Variants in CERS6 observed in about 807,000 individuals in gnomAD.
CERS6 encodes LAG1 homolog, ceramide synthase 6.
CERS6 carries 26 observed loss-of-function variants against 56.8 expected under a neutral mutation model. The ratio of observed to expected loss-of-function variants is 0.46; its 90% CI spans 0.34 to 0.63. CERS6 has a LOEUF of 0.63. Among genes scored for constraint, CERS6 ranks in the 30% least tolerant of loss-of-function variants. The probability of loss-of-function intolerance (pLI) is 0.01; values close to 1 mark genes in which losing one functional copy is unlikely to be tolerated. For synonymous variants in CERS6, 164 were observed against 173.3 expected, an observed-to-expected ratio of 0.95 and a Z score of 0.42; for missense variants, 415 against 467.5, an observed-to-expected ratio of 0.89 and a Z score of 1.04.
At chr2:168,481,662 A>G (rs1014745205) in intron 1 of CERS6, among the ~76,000 whole-genome samples, 4 of 152,182 alleles carry the variant, frequency 2.6e-5, no homozygotes, top group Admixed American at 6.5e-5. Context: ...TCAATGCCCA[A>G]TGTTTCTTTT....
chr2:168,662,110 AC>A (rs1335798647), intron 4 of CERS6, among the ~76,000 whole-genome samples: 3 of 147,296 alleles, frequency 2.0e-5, no homozygotes, highest in African/African-American at 7.5e-5. Context: ...GGCCTGGTAT[AC>A]CATTCAAGGC....
At chr2:168,726,036 A>T (rs1683341365) in intron 8 of CERS6, among the ~76,000 whole-genome samples, 1 of 152,218 alleles carries the variant, frequency 6.6e-6, no homozygotes, top group Non-Finnish European at 1.5e-5. Context: ...TGGTTTTAAT[A>T]TGGCATAGAT....
At chr2:168,737,686 A>G (rs1459486478) in intron 8 of CERS6, among the ~76,000 whole-genome samples, 1 of 152,212 alleles carries the variant, frequency 6.6e-6, no homozygotes, top group East Asian at 1.9e-4. Context: ...TATAATGTGC[A>G]TCTTCTTTTC....
At position 168,619,034 on chromosome 2, in the gene CERS6, G is replaced by A. The variant is rs190651687; in HGVS notation, c.408-11951G>A. ...AATAGATACATAGACCAATGGAACAGAACAGAGAACCAGAAATAAAGCCAA... is the reference window on the plus strand; with the variant it reads ...AATAGATACATAGACCAATGGAACAAAACAGAGAACCAGAAATAAAGCCAA... On this transcript the variant is annotated intron_variant, in intron 3 of 9. Transcript: ENST00000305747. 3.4e-4 allele frequency among the ~76,000 whole-genome samples: 52 copies of A among 152,282 alleles called. No individual in the cohort carries two copies. The East Asian group carries it at 6.9e-3, about 20-fold the overall frequency.
rs1442603858 is a variant in CERS6, at chr2:168,630,973, A to T, written c.408-12A>T. On this transcript the variant is annotated splice_polypyrimidine_tract_variant and intron_variant, in intron 3 of 9. Coordinates refer to ENST00000305747, the MANE Select transcript of CERS6 (RefSeq NM_203463.3). ...AACTGAATGTCACAGATTTTTTTTT[A>T]ACCTTCTACAGGTGGAGATTTTCAT... 7.1e-7 allele frequency: 1 copy of T among 1,405,836 alleles called. No homozygotes were observed. The highest frequency in any genetic ancestry group is 2.0e-5 in the Admixed American group (1 of 49,916). The allele number at this position is 1,405,836 out of a possible 1,614,324, so 87.1% of individuals were successfully genotyped here.
chr2:168,713,937 G>A (rs759594688), intron 6 of CERS6, among the ~76,000 whole-genome samples: 1 of 151,968 alleles, frequency 6.6e-6, no homozygotes, highest in South Asian at 2.1e-4. Flanking sequence ...AATCACCCCC[G>A]TCTTAATCCA....
At chr2:168,514,582 G>T (rs1029610113) in intron 1 of CERS6, among the ~76,000 whole-genome samples, 11 of 152,152 alleles carry the variant, frequency 7.2e-5, no homozygotes, top group Admixed American at 7.2e-4. Flanking sequence ...TTACTTATTA[G>T]CAAGAGTTCA....
chr2:168,575,283 G>A (rs1683234331), intron 3 of CERS6, among the ~76,000 whole-genome samples: 1 of 148,514 alleles, frequency 6.7e-6, no homozygotes, highest in Non-Finnish European at 1.5e-5. Context: ...TGGAGACTAG[G>A]TAATTTATAA....
chr2:168,583,994 T>C (rs991107452), intron 3 of CERS6, among the ~76,000 whole-genome samples: 1 of 152,244 alleles, frequency 6.6e-6, no homozygotes, highest in African/African-American at 2.4e-5. Context: ...TCCTTAGTCA[T>C]CTTATTTAAT....
chr2:168,695,099 GGCCCTTA>G, intron 6 of CERS6, 48 bp downstream of exon 6: 1 of 1,470,616 alleles, frequency 6.8e-7, no homozygotes. Flanking sequence ...CATCTTTAAT[GGCCCTTA>G]GCAGGTGGGT....
chr2:168,647,435 A>G (rs902641015), intron 4 of CERS6, among the ~76,000 whole-genome samples: 19 of 152,200 alleles, frequency 1.2e-4, no homozygotes, highest in Admixed American at 2.6e-4. Flanking sequence ...TGGGTTTTCT[A>G]GATATCGAAT....
chr2:168,748,249 C>T (rs1684166592), intron 8 of CERS6, among the ~76,000 whole-genome samples: 1 of 152,154 alleles, frequency 6.6e-6, no homozygotes, highest in African/African-American at 2.4e-5. Context: ...TTACCTTCAG[C>T]TTGTTGACTG....
chr2:168,556,734 T>C (rs779859913), intron 2 of CERS6, among the ~76,000 whole-genome samples: 1 of 152,116 alleles, frequency 6.6e-6, no homozygotes, highest in Non-Finnish European at 1.5e-5. Context: ...AATATGCTAT[T>C]ATATTATTAT....
chr2:168,597,091 G>A (rs1442495929), intron 3 of CERS6, among the ~76,000 whole-genome samples: 2 of 152,108 alleles, frequency 1.3e-5, no homozygotes, highest in East Asian at 3.9e-4. Flanking sequence ...TATGAGTTTA[G>A]CTTTGTCGTG....
At chr2:168,520,952 T>G (rs1014903689) in intron 1 of CERS6, among the ~76,000 whole-genome samples, 1 of 152,158 alleles carries the variant, frequency 6.6e-6, no homozygotes, top group Non-Finnish European at 1.5e-5. Context: ...TTGGAAAGAC[T>G]TCTATACTCT....
At chr2:168,539,668 ATTG>A (rs1695331295) in intron 1 of CERS6, among the ~76,000 whole-genome samples, 1 of 152,286 alleles carries the variant, frequency 6.6e-6, no homozygotes, top group South Asian at 2.1e-4. Context: ...ATCAGTCTAT[ATTG>A]TTCTGGTCAG....
intron 8 of CERS6, among the ~76,000 whole-genome samples, chr2:168,749,267 C>A (rs1304418136): frequency 6.6e-6 from 1 of 150,424 alleles, no homozygotes; most frequent in Non-Finnish European, 1.5e-5. Context: ...TAAGTTGACC[C>A]CTCTTCGCTA....
intron 8 of CERS6, among the ~76,000 whole-genome samples, chr2:168,759,595 TG>T (rs1292721281): frequency 1.3e-5 from 2 of 152,150 alleles, no homozygotes. Flanking sequence ...TTAGCCTTGG[TG>T]GGTGATTTTA....
At chr2:168,546,545 C>T (rs752477474) in intron 1 of CERS6, among the ~76,000 whole-genome samples, 1 of 152,166 alleles carries the variant, frequency 6.6e-6, no homozygotes, top group African/African-American at 2.4e-5. Context: ...ATTGGTCCTA[C>T]TTTAAAAACA....
Sources: gnomAD v4.1 joint callset for allele counts (sites outside exome capture counted in the v4.1 genomes callset) on GRCh38, gnomAD v4.1.1 for gene constraint, MANE v1.5 for transcripts, NCBI Gene and HGNC (gene_info 2026-07-23, HGNC 2026-07-21) for gene names.